Variants in ANKS1B observed in about 807,000 individuals in gnomAD.
ANKS1B encodes the protein ankyrin repeat and sterile alpha motif domain containing 1B.
In ANKS1B, 36 loss-of-function variants were observed where a neutral mutation model predicts 148.3. The ratio of observed to expected loss-of-function variants is 0.24; its 90% CI spans 0.19 to 0.32. The LOEUF is 0.32. Among genes scored for constraint, ANKS1B ranks in the 10% least tolerant of loss-of-function variants. The pLI, the probability that ANKS1B is intolerant of heterozygous loss-of-function variation, is 1.00. For synonymous variants in ANKS1B, 542 were observed against 560.8 expected, an observed-to-expected ratio of 0.97 and a Z score of 0.47; for missense variants, 1,157 against 1,542.6, an observed-to-expected ratio of 0.75 and a Z score of 4.19.
rs1555520395 is a variant in ANKS1B at position 99,632,771 on chromosome 12, T to TA, written c.1272+22295dup. 3.5e-3 allele frequency among the ~76,000 whole-genome samples: 178 copies of TA among 50,766 alleles called. 2 individuals are homozygous for TA. Among genetic ancestry groups the TA allele is most frequent in the African/African-American group, 9.4e-3 (175 of 18,570 alleles). 33.3% of individuals were successfully genotyped at this position (50,766 alleles called of 152,430 possible). ...TATATATATATATATATATATATTT[T>TA]AATTATACTTTAAGTTCTAGGGTAC... On this transcript the variant is annotated intron_variant, in intron 9 of 26. Transcript: ENST00000683438.
chr12:99,310,914 T>G (rs1357212009), intron 12 of ANKS1B, among the ~76,000 whole-genome samples: 1 of 152,188 alleles, frequency 6.6e-6, no homozygotes, highest in Non-Finnish European at 1.5e-5. Context: ...TCTCAGCAAG[T>G]TATTTAAAAT....
intron 8 of ANKS1B, among the ~76,000 whole-genome samples, chr12:99,716,130 G>A (rs1411666925): frequency 6.6e-6 from 1 of 151,912 alleles, no homozygotes; most frequent in African/African-American, 2.4e-5. Context: ...CTTTTCTGGG[G>A]TGCAAGAACC....
chr12:99,916,246 A>G (rs1185622422), intron 1 of ANKS1B, among the ~76,000 whole-genome samples: 1 of 152,188 alleles, frequency 6.6e-6, no homozygotes, highest in Non-Finnish European at 1.5e-5. Context: ...TTTAAGGGGA[A>G]GTGCTGCCAT....
intron 9 of ANKS1B, among the ~76,000 whole-genome samples, chr12:99,561,817 G>A (rs2097339202): frequency 1.3e-5 from 2 of 152,158 alleles, no homozygotes; most frequent in Non-Finnish European, 2.9e-5. Flanking sequence ...TCCTGTTAAT[G>A]TTAATGTTGA....
At chr12:99,263,281 A>C (rs1435031122) in intron 12 of ANKS1B, among the ~76,000 whole-genome samples, 1 of 152,186 alleles carries the variant, frequency 6.6e-6, no homozygotes, top group South Asian at 2.1e-4. Flanking sequence ...CTCCCCACTC[A>C]TGCCCACGCC....
intron 1 of ANKS1B, among the ~76,000 whole-genome samples, chr12:99,859,411 G>A (rs2089693217): frequency 6.6e-6 from 1 of 152,174 alleles, no homozygotes; most frequent in African/African-American, 2.4e-5. Flanking sequence ...ACATTGACAA[G>A]TTTGACATAT....
At chr12:99,918,396 G>A (rs1333600395) in intron 1 of ANKS1B, among the ~76,000 whole-genome samples, 1 of 152,194 alleles carries the variant, frequency 6.6e-6, no homozygotes, top group Non-Finnish European at 1.5e-5. Flanking sequence ...TTTCACCAGA[G>A]AGTAAATTAC....
intron 15 of ANKS1B, among the ~76,000 whole-genome samples, chr12:99,098,038 A>G (rs2056783242): frequency 6.6e-6 from 1 of 152,248 alleles, no homozygotes; most frequent in East Asian, 1.9e-4. Flanking sequence ...TATTACTAAC[A>G]ATAACAATAA....
intron 17 of ANKS1B, among the ~76,000 whole-genome samples, chr12:98,896,508 C>G (rs1321353869): frequency 6.6e-6 from 1 of 152,198 alleles, no homozygotes; most frequent in Non-Finnish European, 1.5e-5. Context: ...ACAGGAAACT[C>G]TAAATGCCCT....
At chr12:99,291,983 T>C (rs1319561747) in intron 12 of ANKS1B, among the ~76,000 whole-genome samples, 1 of 152,122 alleles carries the variant, frequency 6.6e-6, no homozygotes, top group Non-Finnish European at 1.5e-5. Context: ...GATCCCTTCT[T>C]TACACCTTAT....
chr12:98,884,730 C>T lies in ANKS1B; in HGVS notation c.2779-52594G>A, dbSNP rs538322209. ...AGGAGAATGGCGTGAACCCGGGAAG[C>T]GGAGCTTGCAGTGAGCTGAGATTGC... is the stretch of plus-strand genomic sequence containing the variant. On this transcript the variant is annotated intron_variant, in intron 17 of 26. Coordinates refer to ENST00000683438, the MANE Select transcript of ANKS1B (RefSeq NM_001352186.2). Among the ~76,000 whole-genome samples, 37 of 142,522 alleles carry T rather than the reference C, an allele frequency of 2.6e-4. 1 individual carries two copies. Among genetic ancestry groups the T allele is most frequent in the Admixed American group, 2.1e-3 (28 of 13,240 alleles). The allele number at this position is 142,522 out of a possible 152,430, so 93.5% of individuals were successfully genotyped here.
chr12:99,735,970 A>G (rs1219314210), intron 8 of ANKS1B, among the ~76,000 whole-genome samples: 2 of 152,116 alleles, frequency 1.3e-5, no homozygotes, highest in Admixed American at 1.3e-4. Flanking sequence ...TATGCATATG[A>G]ATAAACATAA....
chr12:99,845,515 G>A lies in ANKS1B; in HGVS notation c.135-20126C>T, dbSNP rs552135935. Among the ~76,000 whole-genome samples the A allele has an allele frequency of 2.6e-5, 4 of 152,154 alleles. No homozygotes were observed. In the South Asian group the frequency reaches 8.3e-4, roughly 32 times the overall value. ...GTTTCTTTACTTCTGATTATGTAAT[G>A]ACTTAGTTTATTGATGTGTTTATGT... On this transcript the variant is annotated intron_variant, in intron 1 of 26. Transcript: ENST00000683438.
At chr12:99,726,489 T>G (rs1567725550) in intron 8 of ANKS1B, among the ~76,000 whole-genome samples, 1 of 152,118 alleles carries the variant, frequency 6.6e-6, no homozygotes, top group Non-Finnish European at 1.5e-5. Flanking sequence ...GAGGCAGTAA[T>G]TAATAGTCTA....
intron 8 of ANKS1B, among the ~76,000 whole-genome samples, chr12:99,740,678 T>C (rs1457792853): frequency 6.6e-6 from 1 of 152,190 alleles, no homozygotes; most frequent in Admixed American, 6.5e-5. Context: ...GGGTGATTTC[T>C]GCATTTCCAA....
intron 17 of ANKS1B, among the ~76,000 whole-genome samples, chr12:98,848,676 A>T (rs1275225528): frequency 1.3e-5 from 2 of 149,712 alleles, no homozygotes; most frequent in Non-Finnish European, 3.0e-5. Context: ...CTCCTACCTC[A>T]GTCTCCAGAG....
At chr12:99,669,857 T>C (rs1211583648) in intron 8 of ANKS1B, among the ~76,000 whole-genome samples, 5 of 152,128 alleles carry the variant, frequency 3.3e-5, no homozygotes. Flanking sequence ...TACTTGACCC[T>C]GTTTCTGTTT....
intron 17 of ANKS1B, among the ~76,000 whole-genome samples, chr12:98,840,492 C>T (rs757752280): frequency 6.6e-6 from 1 of 151,964 alleles, no homozygotes; most frequent in East Asian, 1.9e-4. Context: ...TGAGAAAGAG[C>T]GAGGGAGGAG....
intron 14 of ANKS1B, among the ~76,000 whole-genome samples, chr12:99,242,535 A>G (rs1190736765): frequency 6.6e-6 from 1 of 152,198 alleles, no homozygotes; most frequent in Admixed American, 6.5e-5. Context: ...CAGAATTGGA[A>G]AAACTACTTT....
Sources: gnomAD v4.1 joint callset for allele counts (sites outside exome capture counted in the v4.1 genomes callset) on GRCh38, gnomAD v4.1.1 for gene constraint, MANE v1.5 for transcripts, NCBI Gene and HGNC (gene_info 2026-07-23, HGNC 2026-07-21) for gene names.